The following C1orf105 variants were observed in gnomAD, a reference collection of about 807,000 sequenced individuals.
C1orf105 encodes the protein chromosome 1 open reading frame 105.
Under a neutral mutation model 20.8 loss-of-function variants are expected in C1orf105, and 17 were observed. The observed-to-expected ratio is 0.82, with a 90% CI of 0.56 to 1.23. C1orf105 has a LOEUF of 1.23. Among genes scored for constraint, C1orf105 ranks in the 50% most tolerant of loss-of-function variants. The probability of loss-of-function intolerance (pLI) is 0.00; values close to 1 mark genes in which losing one functional copy is unlikely to be tolerated. For missense variants in C1orf105, 219 were observed against 213.5 expected (o/e 1.03, Z -0.16); for synonymous variants, 72 against 72.1 (o/e 1.00, Z 0.01).
At chr1:172,427,828 T>G (rs2071762245) in intron 1 of C1orf105, among the ~76,000 whole-genome samples, 1 of 152,208 alleles carries the variant, frequency 6.6e-6, no homozygotes, top group Non-Finnish European at 1.5e-5. Context: ...CTATAACCAT[T>G]TCCTTGGTGA....
chr1:172,468,404 T>C lies in C1orf105; in HGVS notation c.407-45T>C, dbSNP rs367744148. On this transcript the variant is annotated intron_variant, in intron 6 of 6. Coordinates refer to ENST00000367727, the MANE Select transcript of C1orf105 (RefSeq NM_139240.4). The stretch of plus-strand genomic sequence containing the variant: ...ATTTTGAGCTTCTTTAAGAATAGAA[T>C]CTAAGTAGTCCTTATCCTTCTTTCC... The C allele has an allele frequency of 5.1e-4, 744 of 1,470,466 alleles. 1 individual carries two copies. Among genetic ancestry groups the C allele is most frequent in the Non-Finnish European group, 6.6e-4 (715 of 1,091,216 alleles). The allele number at this position is 1,470,466 out of a possible 1,614,324, so 91.1% of individuals were successfully genotyped here. A position where few individuals can be genotyped will look rare whatever the true frequency, so the allele number is the denominator to read the frequency against.
intron 1 of C1orf105, among the ~76,000 whole-genome samples, chr1:172,436,750 T>C (rs1169933624): frequency 6.6e-6 from 1 of 152,166 alleles, no homozygotes; most frequent in Non-Finnish European, 1.5e-5. Flanking sequence ...TGGGATCTAA[T>C]TAAACTAAAG....
At chr1:172,449,877 C>T (rs192711071) in intron 3 of C1orf105, among the ~76,000 whole-genome samples, 150 of 152,302 alleles carry the variant, frequency 9.8e-4, no homozygotes, top group African/African-American at 3.4e-3. Context: ...TGTGAACTTC[C>T]TATTTAGACA....
intron 4 of C1orf105, among the ~76,000 whole-genome samples, chr1:172,461,904 C>G (rs1223043048): frequency 6.6e-6 from 1 of 152,140 alleles, no homozygotes; most frequent in Non-Finnish European, 1.5e-5. Flanking sequence ...TAACCTGAGA[C>G]TTGAAGAACA....
chr1:172,458,949 T>C (rs966174155), intron 4 of C1orf105, among the ~76,000 whole-genome samples: 3 of 152,194 alleles, frequency 2.0e-5, no homozygotes, highest in African/African-American at 7.2e-5. Context: ...GAGGAAAGAA[T>C]AGTATTTTCA....
At chr1:172,439,632 C>T (rs976249391) in intron 1 of C1orf105, among the ~76,000 whole-genome samples, 1 of 152,064 alleles carries the variant, frequency 6.6e-6, no homozygotes, top group African/African-American at 2.4e-5. Context: ...ATAGTGCAGC[C>T]ATATTGTCAT....
chr1:172,439,659 T>A (rs1187206374), intron 1 of C1orf105, among the ~76,000 whole-genome samples: 1 of 152,154 alleles, frequency 6.6e-6, no homozygotes. Context: ...AAGAAACTAT[T>A]CTTGAAAGTT....
At chr1:172,436,535 C>T (rs1017237052) in intron 1 of C1orf105, among the ~76,000 whole-genome samples, 3 of 152,078 alleles carry the variant, frequency 2.0e-5, no homozygotes, top group Non-Finnish European at 4.4e-5. Flanking sequence ...AACTGGCTAG[C>T]CATAGGTAGA....
chr1:172,454,342 T>C (rs1352283706), intron 3 of C1orf105, among the ~76,000 whole-genome samples: 1 of 151,436 alleles, frequency 6.6e-6, no homozygotes, highest in Non-Finnish European at 1.5e-5. Flanking sequence ...GTATGATATC[T>C]AGTGTGTCCT....
chr1:172,434,607 T>C (rs1440997806), intron 1 of C1orf105, among the ~76,000 whole-genome samples: 1 of 152,206 alleles, frequency 6.6e-6, no homozygotes, highest in Non-Finnish European at 1.5e-5. Context: ...TAAAGCAGTG[T>C]GTAGAGGGAA....
At chr1:172,437,134 G>A (rs890214898) in intron 1 of C1orf105, among the ~76,000 whole-genome samples, 2 of 152,206 alleles carry the variant, frequency 1.3e-5, no homozygotes, top group Non-Finnish European at 1.5e-5. Flanking sequence ...TACACTGCTG[G>A]TGGGAGTGTA....
chr1:172,459,090 T>G (rs1454488242), intron 4 of C1orf105, among the ~76,000 whole-genome samples: 2 of 152,106 alleles, frequency 1.3e-5, no homozygotes, highest in African/African-American at 4.8e-5. Context: ...CATAAAACTC[T>G]TAGAAGAAAA....
intron 1 of C1orf105, among the ~76,000 whole-genome samples, chr1:172,423,423 C>T (rs2071641068): frequency 6.6e-6 from 1 of 152,108 alleles, no homozygotes; most frequent in Non-Finnish European, 1.5e-5. Flanking sequence ...CACAGCGTTA[C>T]TGGGCTTGGG....
chr1:172,435,034 A>T (rs950900943), intron 1 of C1orf105, among the ~76,000 whole-genome samples: 2 of 152,218 alleles, frequency 1.3e-5, no homozygotes, highest in African/African-American at 4.8e-5. Context: ...ACACCCTCCC[A>T]CAACTAAACG....
At chr1:172,465,187 TAATAATAATA>T (rs1401644907) in intron 5 of C1orf105, 102 bp from the exon 6 acceptor site, 14 of 393,984 alleles carry the variant, frequency 3.6e-5, no homozygotes, top group African/African-American at 1.7e-4. Flanking sequence ...TCCATCTCAA[TAATAATAATA>T]AATAATAATA....
In C1orf105 at chr1:172,465,294, A is replaced by G. The variant is rs1487442751; in HGVS notation, c.342-5A>G. Reference sequence around the variant, plus strand: ...CTAATGTGTTTTCTTGTTTCTTCCAATCAGAATGAGTCTTCATCAACCCAA... The same window carrying G: ...CTAATGTGTTTTCTTGTTTCTTCCAGTCAGAATGAGTCTTCATCAACCCAA... On this transcript the variant is annotated splice_region_variant and splice_polypyrimidine_tract_variant and intron_variant, in intron 5 of 6. Transcript: ENST00000367727. The G allele has an allele frequency of 1.2e-6, 2 of 1,607,400 alleles. No individual in the cohort carries two copies. The highest frequency in any genetic ancestry group is 1.7e-6 in the Non-Finnish European group (2 of 1,174,222).
intron 1 of C1orf105, among the ~76,000 whole-genome samples, chr1:172,433,337 T>G (rs1002030631): frequency 6.6e-6 from 1 of 152,120 alleles, no homozygotes; most frequent in Non-Finnish European, 1.5e-5. Context: ...GAAAAAATGT[T>G]AAGGGCAGCC....
intron 4 of C1orf105, among the ~76,000 whole-genome samples, chr1:172,460,704 A>T (rs902589414): frequency 1.3e-5 from 2 of 152,228 alleles, no homozygotes; most frequent in Admixed American, 6.5e-5. Context: ...AGGAGTCAAC[A>T]AATAAATAAA....
intron 2 of C1orf105, among the ~76,000 whole-genome samples, chr1:172,446,432 T>A (rs1312175287): frequency 6.6e-6 from 1 of 152,030 alleles, no homozygotes; most frequent in Non-Finnish European, 1.5e-5. Context: ...GAATGGGAAA[T>A]CACCTCCCCG....
Sources: gnomAD v4.1 joint callset for allele counts (sites outside exome capture counted in the v4.1 genomes callset) on GRCh38, gnomAD v4.1.1 for gene constraint, MANE v1.5 for transcripts, NCBI Gene and HGNC (gene_info 2026-07-23, HGNC 2026-07-21) for gene names.